RARB: variants seen among roughly 807,000 people sequenced by gnomAD.
The protein encoded by RARB is retinoic acid receptor beta.
A neutral mutation model predicts 51.9 loss-of-function variants in RARB; 17 were observed. The observed-to-expected ratio is 0.33, with a 90% CI of 0.22 to 0.49. The LOEUF (loss-of-function observed/expected upper bound fraction) is 0.49. RARB is among the 20% of genes least tolerant of loss of function. The pLI is 0.99. For missense variants in RARB, 369 were observed against 550.8 expected, an observed-to-expected ratio of 0.67 and a Z score of 3.30; for synonymous variants, 215 against 195.4, an observed-to-expected ratio of 1.10 and a Z score of -0.84.
rs1697254492 is a variant in RARB at position 25,005,603 on chromosome 3, T to A, written c.-379-54522T>A. On this transcript the variant is annotated intron_variant, in intron 2 of 11. Coordinates refer to the RARB transcript ENST00000383772. ...AGCAAGATGGAAGCCACAATATTGT[T>A]TATGACCTAGCCTTAGAAGCCACAA... is the stretch of plus-strand genomic sequence containing the variant. 2.0e-5 allele frequency among the ~76,000 whole-genome samples: 3 copies of A among 152,240 alleles called. No individual in the cohort carries two copies. The South Asian group carries it at 6.2e-4, about 32-fold the overall frequency.
chr3:25,243,779 G>T (rs1702488530), intron 5 of RARB, among the ~76,000 whole-genome samples: 1 of 152,202 alleles, frequency 6.6e-6, no homozygotes, highest in East Asian at 1.9e-4. Context: ...TTGTTTTTCT[G>T]TTGTGTCTCT....
At chr3:25,489,186 A>G (rs1456143207) in intron 2 of RARB, among the ~76,000 whole-genome samples, 1 of 152,234 alleles carries the variant, frequency 6.6e-6, no homozygotes, top group Non-Finnish European at 1.5e-5. Context: ...GTTTAAAAGA[A>G]CTTTTTCTTT....
At chr3:25,148,056 T>G (rs1021398901) in intron 4 of RARB, among the ~76,000 whole-genome samples, 3 of 152,258 alleles carry the variant, frequency 2.0e-5, no homozygotes, top group African/African-American at 7.2e-5. Flanking sequence ...TGTGATCTAG[T>G]CAAACCCTTT....
intron 2 of RARB, among the ~76,000 whole-genome samples, chr3:25,036,166 G>A (rs927244328): frequency 1.5e-4 from 23 of 152,160 alleles, no homozygotes; most frequent in Admixed American, 8.5e-4. Context: ...CCAGCCAGGG[G>A]GACAAAAATA....
chr3:25,512,504 C>G (rs532994400), intron 3 of RARB, among the ~76,000 whole-genome samples: 3 of 152,370 alleles, frequency 2.0e-5, no homozygotes, highest in East Asian at 1.9e-4. Flanking sequence ...CCCAGCCTGT[C>G]CAACACTGAT....
At chr3:25,286,315 C>T (rs954191339) in intron 5 of RARB, among the ~76,000 whole-genome samples, 3 of 152,086 alleles carry the variant, frequency 2.0e-5, no homozygotes, top group African/African-American at 7.2e-5. Flanking sequence ...GTCTCGATCT[C>T]CTGACCTCGT....
chr3:24,864,679 A>G (rs59084109), intron 2 of RARB, among the ~76,000 whole-genome samples: 2,170 of 151,918 alleles, frequency 0.014, 27 homozygotes, highest in African/African-American at 0.049. Context: ...AATGTTTTGT[A>G]AGTGATTTTT....
chr3:25,243,520 G>A (rs549325932), intron 5 of RARB, among the ~76,000 whole-genome samples: 3 of 152,244 alleles, frequency 2.0e-5, no homozygotes, highest in South Asian at 4.2e-4. Context: ...TAGCCTGAAG[G>A]GGTGTTGAAT....
At chr3:25,368,166 T>C (rs988863544) in intron 5 of RARB, among the ~76,000 whole-genome samples, 2 of 152,210 alleles carry the variant, frequency 1.3e-5, no homozygotes, top group African/African-American at 2.4e-5. Context: ...GTTTTTCCTT[T>C]TTAATGTCCT....
At chr3:24,889,090 C>G (rs1374985705) in intron 2 of RARB, among the ~76,000 whole-genome samples, 1 of 152,080 alleles carries the variant, frequency 6.6e-6, no homozygotes, top group Non-Finnish European at 1.5e-5. Flanking sequence ...ATGCACTGTC[C>G]CCTGTGAGGA....
chr3:25,181,678 A>G (rs920099053), intron 5 of RARB, among the ~76,000 whole-genome samples: 8 of 152,208 alleles, frequency 5.3e-5, no homozygotes, highest in African/African-American at 1.9e-4. Flanking sequence ...CTGATCCTAA[A>G]TCATAACTTC....
At chr3:25,063,685 T>TC (rs1698597463) in intron 3 of RARB, among the ~76,000 whole-genome samples, 3 of 151,164 alleles carry the variant, frequency 2.0e-5, no homozygotes, top group African/African-American at 7.3e-5. Context: ...TTCAAAGGGG[T>TC]CCGTAGACCT....
At chr3:24,862,768 TATC>T (rs1440021141) in intron 2 of RARB, among the ~76,000 whole-genome samples, 1 of 152,218 alleles carries the variant, frequency 6.6e-6, no homozygotes, top group Admixed American at 6.5e-5. Flanking sequence ...AGAATTAAGA[TATC>T]ATCTTTATAT....
chr3:25,190,837 A>T (rs996280484), intron 5 of RARB, among the ~76,000 whole-genome samples: 1 of 152,114 alleles, frequency 6.6e-6, no homozygotes. Flanking sequence ...CTGTCTAATC[A>T]CTTGGGACTT....
intron 1 of RARB, among the ~76,000 whole-genome samples, chr3:24,832,070 T>C (rs1375047776): frequency 6.6e-6 from 1 of 152,202 alleles, no homozygotes; most frequent in African/African-American, 2.4e-5. Context: ...TATTGTGCAT[T>C]GTTTTAACCT....
At chr3:25,142,696 T>C (rs180720889) in intron 4 of RARB, among the ~76,000 whole-genome samples, 2 of 152,224 alleles carry the variant, frequency 1.3e-5, no homozygotes, top group Admixed American at 1.3e-4. Context: ...AGACAGATGA[T>C]ATTTCTACCT....
chr3:24,915,583 T>C (rs1695089661), intron 2 of RARB, among the ~76,000 whole-genome samples: 1 of 152,218 alleles, frequency 6.6e-6, no homozygotes, highest in East Asian at 1.9e-4. Flanking sequence ...TAGAGATATA[T>C]GCCCAAATGT....
intron 2 of RARB, among the ~76,000 whole-genome samples, chr3:24,970,287 G>C (rs1279496021): frequency 6.6e-6 from 1 of 152,020 alleles, no homozygotes; most frequent in African/African-American, 2.4e-5. Context: ...AAGAAAGTTT[G>C]AGGTGTAGGT....
chr3:25,551,535 G>T (rs896630939), intron 3 of RARB, among the ~76,000 whole-genome samples: 21 of 152,198 alleles, frequency 1.4e-4, no homozygotes, highest in Admixed American at 6.5e-5. Context: ...AAAGAGTTAT[G>T]TGGAGCAGCT....
Sources: allele counts gnomAD v4.1 joint callset (sites outside exome capture counted in the v4.1 genomes callset), GRCh38; gene constraint gnomAD v4.1.1; transcripts MANE v1.5; gene names NCBI Gene and HGNC (gene_info 2026-07-23, HGNC 2026-07-21).